Variants in FSD1 observed in about 807,000 individuals in gnomAD.
The protein encoded by FSD1 is fibronectin type III and SPRY domain-containing protein 1.
A neutral mutation model predicts 58.2 loss-of-function variants in FSD1; 23 were observed. That is an observed-to-expected ratio of 0.40 (90% CI 0.28 to 0.56). The LOEUF is 0.56. Among genes scored for constraint, FSD1 ranks in the 20% least tolerant of loss-of-function variants. The pLI, the probability that FSD1 is intolerant of heterozygous loss-of-function variation, is 0.54. For synonymous variants in FSD1, 265 were observed against 263.4 expected (o/e 1.01, Z -0.06); for missense variants, 563 against 670.8 (o/e 0.84, Z 1.78).
rs1166389501 is a variant in FSD1, at chr19:4,304,723, G to T, written c.-24G>T. ...AGCGTGCGCGGGGCCCGCGGGCCGG[G>T]CCGGGGTGACCTGGGCTGCAGCCAT... is the stretch of plus-strand genomic sequence containing the variant. On this transcript the variant is annotated 5_prime_UTR_variant, in exon 1 of 13. Transcript: ENST00000221856. The T allele has an allele frequency of 8.2e-7, 1 of 1,223,898 alleles. No individual in the cohort carries two copies. The highest frequency in any genetic ancestry group is 1.0e-6 in the Non-Finnish European group (1 of 980,966). The allele number at this position is 1,223,898 out of a possible 1,614,324, so 75.8% of individuals were successfully genotyped here. A position where few individuals can be genotyped will look rare whatever the true frequency, so the allele number is the denominator to read the frequency against.
intron 4 of FSD1, among the ~76,000 whole-genome samples, chr19:4,308,821 G>A (rs1971655465): frequency 6.6e-6 from 1 of 151,594 alleles, no homozygotes; most frequent in African/African-American, 2.4e-5. Context: ...TCGCGCCACC[G>A]CACTCCAGCC....
In FSD1 at chr19:4,307,897, T is replaced by A; in HGVS notation, c.259T>A (p.Cys87Ser). ...TYELQNQLAA[C>S]TRALESSEEL... ...GTATCCACAGAACCAGCTGGCTGCC[T>A]GCACGCGGGCCCTGGAGAGCTCCGA... Residue 87 changes from cysteine (C) to serine (S), a missense_variant, in exon 4 of 13, where the codon TGC (cysteine) becomes AGC (serine). Coordinates refer to ENST00000221856, the MANE Select transcript of FSD1 (RefSeq NM_024333.3). The A allele has an allele frequency of 6.2e-7, 1 of 1,613,466 alleles. No homozygotes were observed. Among genetic ancestry groups the A allele is most frequent in the Non-Finnish European group, 8.5e-7 (1 of 1,179,762 alleles).
At position 4,322,973 on chromosome 19, in the gene FSD1, C is replaced by T; in HGVS notation, c.1040-13C>T. The T allele has an allele frequency of 2.5e-6, 4 of 1,604,606 alleles. No homozygotes were observed. The African/African-American group carries it at 4.0e-5, about 16-fold the overall frequency. On this transcript the variant is annotated splice_polypyrimidine_tract_variant and intron_variant, in intron 10 of 12. Transcript: ENST00000221856. The stretch of plus-strand genomic sequence containing the variant: ...CCAGTTCCCCTGCCCACCCCTCCTG[C>T]CCTGCGCCACAGGGGACACGCTGAT...
chr19:4,308,418 A>C (rs933245311), intron 4 of FSD1, among the ~76,000 whole-genome samples: 1 of 151,804 alleles, frequency 6.6e-6, no homozygotes, highest in Non-Finnish European at 1.5e-5. Flanking sequence ...AAAAACAAAG[A>C]AAAAAAGAAA....
intron 7 of FSD1, among the ~76,000 whole-genome samples, chr19:4,315,909 G>A (rs999260283): frequency 6.6e-6 from 1 of 151,876 alleles, no homozygotes; most frequent in Admixed American, 6.6e-5. Flanking sequence ...GATTATAGGT[G>A]TGAGCCACCG....
chr19:4,308,689 T>TAA (rs1026430390), intron 4 of FSD1, among the ~76,000 whole-genome samples: 1 of 150,594 alleles, frequency 6.6e-6, no homozygotes, highest in African/African-American at 2.4e-5. Context: ...CCGTCTCTAC[T>TAA]AAAAAAAAAT....
chr19:4,322,964 C>A (rs745949639), intron 10 of FSD1, 22 bp from the exon 11 acceptor site: 2 of 1,597,890 alleles, frequency 1.3e-6, no homozygotes, highest in East Asian at 4.5e-5. Flanking sequence ...CCCCTGCCCA[C>A]CCCTCCTGCC....
intron 8 of FSD1, among the ~76,000 whole-genome samples, chr19:4,317,966 G>A (rs1599540442): frequency 6.6e-6 from 1 of 152,110 alleles, no homozygotes; most frequent in Non-Finnish European, 1.5e-5. Flanking sequence ...GCAATGAGCC[G>A]AGATTGTGCC....
intron 10 of FSD1, among the ~76,000 whole-genome samples, chr19:4,319,561 A>G (rs1971792181): frequency 6.6e-6 from 1 of 152,086 alleles, no homozygotes; most frequent in Non-Finnish European, 1.5e-5. Flanking sequence ...GGTCAGGAAT[A>G]TCTAGAGAGA....
intron 4 of FSD1, among the ~76,000 whole-genome samples, chr19:4,308,417 GAAAAA>G (rs1331849421): frequency 1.5e-4 from 22 of 151,574 alleles, no homozygotes; most frequent in Admixed American, 1.4e-3. Flanking sequence ...CAAAAACAAA[GAAAAA>G]AAGAAAAGAA....
At position 4,323,287 on chromosome 19, in the gene FSD1, C is replaced by T. The variant is rs565055426; in HGVS notation, c.1291+50C>T. The T allele has an allele frequency of 3.1e-6, 5 of 1,608,710 alleles. No individual in the cohort carries two copies. The South Asian group carries it at 3.3e-5, about 11-fold the overall frequency. ...CTCTGGCTGCCCCTGCCTGAGTCCC[C>T]TCCGTCTGCCCCCATCCCACTTCTG... On this transcript the variant is annotated intron_variant, in intron 11 of 12. Coordinates refer to ENST00000221856, the MANE Select transcript of FSD1 (RefSeq NM_024333.3). The surrounding 1 kb of genome is among the most constrained non-coding windows in gnomAD (Gnocchi z 7.7).
chr19:4,323,180 A>G lies in FSD1; in HGVS notation c.1234A>G (p.Lys412Glu). The G allele has an allele frequency of 6.2e-7, 1 of 1,604,886 alleles. No individual in the cohort carries two copies. The change falls in exon 11 of 13, where the codon AAG (lysine) becomes GAG (glutamate). Residue 412 changes from lysine (K) to glutamate (E), a missense_variant. Transcript: ENST00000221856. The surrounding 1 kb of genome is among the most constrained non-coding windows in gnomAD (Gnocchi z 7.7). The stretch of plus-strand genomic sequence containing the variant: ...CACGGCCAAGCACGCCAACAAGGTC[A>G]AGGTGCTGGACGCCCCCGTGCCCGA... ...SFTAKHANKV[K>E]VLDAPVPDCL...
intron 8 of FSD1, 107 bp downstream of exon 8, chr19:4,317,387 A>C: frequency 1.4e-6 from 1 of 694,390 alleles, no homozygotes; most frequent in South Asian, 1.6e-5. Context: ...GGCTGCCAGG[A>C]AGCTCAAAGC....
intron 1 of FSD1, among the ~76,000 whole-genome samples, chr19:4,305,115 G>A (rs924561844): frequency 6.1e-4 from 81 of 132,240 alleles, no homozygotes; most frequent in African/African-American, 2.3e-3. Context: ...TCCGCAGTGC[G>A]GACCCCACCG....
At chr19:4,308,072 T>G (rs8110256) in intron 4 of FSD1, 89 bp downstream of exon 4, 13 of 1,009,914 alleles carry the variant, frequency 1.3e-5, no homozygotes, top group Non-Finnish European at 1.6e-5. Flanking sequence ...AGTGTAAGTA[T>G]AGCCCACCCA....
rs757692634 is a variant in FSD1, at chr19:4,310,613, C to T, written c.490+17C>T. The T allele has an allele frequency of 6.2e-7, 1 of 1,608,952 alleles. No individual in the cohort carries two copies. The highest frequency in any genetic ancestry group is 8.5e-7 in the Non-Finnish European group (1 of 1,178,558). On this transcript the variant is annotated intron_variant, in intron 6 of 12. Transcript: ENST00000221856. Reference sequence around the variant, plus strand: ...TCCTGCCTGGTGAGAGGGGCACGCACTAGAGGGCCAGGACTTCCGGGGAAT... The same window carrying T: ...TCCTGCCTGGTGAGAGGGGCACGCATTAGAGGGCCAGGACTTCCGGGGAAT...
chr19:4,306,831 T>G (rs1163061782), intron 3 of FSD1, among the ~76,000 whole-genome samples: 1 of 151,924 alleles, frequency 6.6e-6, no homozygotes, highest in East Asian at 1.9e-4. Context: ...CTGTCTTCAC[T>G]CAGTGCCTCC....
At chr19:4,311,649 A>G in intron 6 of FSD1, 193 bp from the exon 7 acceptor site, 1 of 564,152 alleles carries the variant, frequency 1.8e-6, no homozygotes, top group South Asian at 2.0e-5. Flanking sequence ...GTGCCACTGC[A>G]CTCCAGCCTG....
chr19:4,308,401 T>G (rs1971648716), intron 4 of FSD1, among the ~76,000 whole-genome samples: 1 of 150,256 alleles, frequency 6.7e-6, no homozygotes, highest in Admixed American at 6.6e-5. Flanking sequence ...GAGGGAGACT[T>G]CATCTCAAAA....
Sources: allele counts gnomAD v4.1 joint callset (sites outside exome capture counted in the v4.1 genomes callset), GRCh38; gene constraint gnomAD v4.1.1; non-coding constraint Gnocchi (gnomAD v3.1); transcripts MANE v1.5; gene names NCBI Gene and HGNC (gene_info 2026-07-23, HGNC 2026-07-21).